The following CDH18 variants were observed in gnomAD, a reference collection of about 807,000 sequenced individuals.
CDH18 encodes cadherin 18, also known as cadherin-18.
Under a neutral mutation model 67.9 loss-of-function variants are expected in CDH18, and 31 were observed. The ratio of observed to expected loss-of-function variants is 0.46; its 90% CI spans 0.34 to 0.62. CDH18 has a LOEUF of 0.62. Ranked by LOEUF, CDH18 falls within the 20% of genes least tolerant of loss-of-function variation. CDH18 has a pLI of 0.01. For missense variants in CDH18, 890 were observed against 975.5 expected (o/e 0.91, Z 1.17); for synonymous variants, 362 against 347.2 (o/e 1.04, Z -0.48).
intron 5 of CDH18, among the ~76,000 whole-genome samples, chr5:19,692,981 TG>T (rs1762089691): frequency 6.6e-6 from 1 of 152,110 alleles, no homozygotes. Flanking sequence ...AGCAAAGCTA[TG>T]GAATCAACCT....
At chr5:19,561,421 C>T (rs1739429270) in intron 8 of CDH18, among the ~76,000 whole-genome samples, 1 of 152,064 alleles carries the variant, frequency 6.6e-6, no homozygotes, top group Admixed American at 6.6e-5. Context: ...GAAAACCAAA[C>T]ATTGTATTTT....
In CDH18 at chr5:19,472,064, G is replaced by C. The variant is rs1191322491; in HGVS notation, c.*1162C>G. 6.6e-6 allele frequency among the ~76,000 whole-genome samples: 1 copy of C among 151,752 alleles called. No homozygotes were observed. On this transcript the variant is annotated 3_prime_UTR_variant, in exon 13 of 13. Transcript: ENST00000382275. ...ATAATAACTGTGAATCTCCTTTTTT[G>C]CTCCTAGTCCTACACATTTTCCTGT...
intron 1 of CDH18, among the ~76,000 whole-genome samples, chr5:20,386,615 G>A (rs1372605057): frequency 2.0e-5 from 3 of 152,100 alleles, no homozygotes; most frequent in African/African-American, 7.2e-5. Flanking sequence ...AGGAGTAAGT[G>A]CAAGAACTTG....
At chr5:20,061,545 A>C (rs1401915512) in intron 2 of CDH18, among the ~76,000 whole-genome samples, 3 of 152,184 alleles carry the variant, frequency 2.0e-5, no homozygotes, top group Non-Finnish European at 4.4e-5. Context: ...ATGTACATGC[A>C]GTAAAATATT....
intron 2 of CDH18, among the ~76,000 whole-genome samples, chr5:19,957,599 T>C (rs1227673191): frequency 6.6e-6 from 1 of 151,914 alleles, no homozygotes; most frequent in African/African-American, 2.4e-5. Context: ...CACTTGGAAA[T>C]AAAATTTTGG....
intron 1 of CDH18, among the ~76,000 whole-genome samples, chr5:20,404,200 T>C (rs944299026): frequency 1.3e-5 from 2 of 152,206 alleles, no homozygotes; most frequent in African/African-American, 4.8e-5. Context: ...TGTGGCTTGT[T>C]TGATCTTCTA....
chr5:19,898,121 AC>A (rs1275399389), intron 2 of CDH18, among the ~76,000 whole-genome samples: 1 of 151,990 alleles, frequency 6.6e-6, no homozygotes, highest in African/African-American at 2.4e-5. Flanking sequence ...GCATTTATAG[AC>A]TTGGGAATTA....
chr5:19,528,296 T>C (rs347693), intron 9 of CDH18, among the ~76,000 whole-genome samples: 59,411 of 151,398 alleles, frequency 0.39, 11,845 homozygotes, highest in South Asian at 0.48. Flanking sequence ...ACTTTTATGC[T>C]GTCTTTTGCA....
intron 2 of CDH18, among the ~76,000 whole-genome samples, chr5:19,843,314 C>T (rs528070566): frequency 6.6e-6 from 1 of 152,198 alleles, no homozygotes; most frequent in Non-Finnish European, 1.5e-5. Flanking sequence ...AAAGAGACCA[C>T]GGTACAGCTC....
intron 5 of CDH18, 30 bp from the exon 6 acceptor site, chr5:19,612,631 T>G: frequency 6.6e-7 from 1 of 1,504,826 alleles, no homozygotes; most frequent in South Asian, 1.1e-5. Flanking sequence ...ATAAACAGTA[T>G]GAGCTATATA....
chr5:20,174,309 A>G (rs1737062843), intron 2 of CDH18, among the ~76,000 whole-genome samples: 1 of 152,194 alleles, frequency 6.6e-6, no homozygotes, highest in African/African-American at 2.4e-5. Flanking sequence ...AAGCATGCAC[A>G]AGCTCTACTC....
At chr5:20,324,308 G>C (rs928406377) in intron 1 of CDH18, among the ~76,000 whole-genome samples, 5 of 152,168 alleles carry the variant, frequency 3.3e-5, no homozygotes, top group African/African-American at 1.2e-4. Context: ...GGGAGGCTGA[G>C]GCAGGCGGAT....
intron 3 of CDH18, among the ~76,000 whole-genome samples, chr5:19,821,740 C>A (rs1433463862): frequency 2.0e-5 from 3 of 152,070 alleles, no homozygotes; most frequent in Admixed American, 1.3e-4. Context: ...ACAAAGGGAA[C>A]CCCATCAGGC....
intron 2 of CDH18, among the ~76,000 whole-genome samples, chr5:20,092,355 A>C (rs1227481257): frequency 6.6e-6 from 1 of 152,176 alleles, no homozygotes; most frequent in Admixed American, 6.6e-5. Flanking sequence ...CTAAACTAGA[A>C]AAATAGACTA....
chr5:19,722,149 A>G (rs185536835), intron 4 of CDH18, among the ~76,000 whole-genome samples: 5 of 152,082 alleles, frequency 3.3e-5, no homozygotes, highest in African/African-American at 7.2e-5. Flanking sequence ...TGCCTCCCAG[A>G]TTCAAGCAAT....
At chr5:20,371,014 G>A (rs367739590) in intron 1 of CDH18, among the ~76,000 whole-genome samples, 19 of 149,924 alleles carry the variant, frequency 1.3e-4, no homozygotes, top group African/African-American at 4.7e-4. Flanking sequence ...TCCACCCTGG[G>A]CGACAGGGCG....
chr5:20,126,210 G>A (rs767874571), intron 2 of CDH18, among the ~76,000 whole-genome samples: 15 of 152,174 alleles, frequency 9.9e-5, no homozygotes, highest in African/African-American at 1.4e-4. Context: ...TACACGCTAC[G>A]AAAGGATAGA....
At chr5:19,518,430 T>C (rs1291908382) in intron 10 of CDH18, among the ~76,000 whole-genome samples, 4 of 152,092 alleles carry the variant, frequency 2.6e-5, no homozygotes, top group East Asian at 3.9e-4. Flanking sequence ...TCCTGGTGTG[T>C]CTGTGAGGGT....
chr5:20,491,992 CAATAT>C, intron 1 of CDH18, among the ~76,000 whole-genome samples: 1 of 151,892 alleles, frequency 6.6e-6, no homozygotes, highest in Non-Finnish European at 1.5e-5. Flanking sequence ...TTATTTTATT[CAATAT>C]AATACAGGAT....
Sources: gnomAD v4.1 joint callset for allele counts (sites outside exome capture counted in the v4.1 genomes callset) on GRCh38, gnomAD v4.1.1 for gene constraint, MANE v1.5 for transcripts, NCBI Gene and HGNC (gene_info 2026-07-23, HGNC 2026-07-21) for gene names.